The following ROR1 variants were observed in gnomAD, a reference collection of about 807,000 sequenced individuals.
ROR1 encodes inactive tyrosine-protein kinase transmembrane receptor ROR1.
ROR1 carries 19 observed loss-of-function variants against 78.8 expected under a neutral mutation model. The ratio of observed to expected loss-of-function variants is 0.24; its 90% confidence interval spans 0.17 to 0.35. The LOEUF (loss-of-function observed/expected upper bound fraction) is 0.35. Ranked by LOEUF, ROR1 falls within the 10% of genes least tolerant of loss-of-function variation. The pLI is 1.00. For missense variants in ROR1, 917 were observed against 1,177.8 expected (o/e 0.78, Z 3.24); for synonymous variants, 386 against 433.6 (o/e 0.89, Z 1.36).
intron 4 of ROR1, among the ~76,000 whole-genome samples, chr1:64,079,560 C>T (rs1004242512): frequency 2.0e-5 from 3 of 151,890 alleles, no homozygotes; most frequent in African/African-American, 7.3e-5. Flanking sequence ...CAACCTCCAC[C>T]TCCCAGGTTC....
intron 1 of ROR1, among the ~76,000 whole-genome samples, chr1:63,895,692 C>T (rs855821): frequency 0.92 from 140,067 of 152,208 alleles, 64,520 homozygotes; most frequent in East Asian, 1. Flanking sequence ...CATTTTCCCA[C>T]GAAGGAACCA....
Position 64,179,539 on chromosome 1 carries a change from T to C in ROR1, c.*684T>C, listed in dbSNP as rs1650494503. On this transcript the variant is annotated 3_prime_UTR_variant, in exon 9 of 9. Coordinates refer to ENST00000371079, the MANE Select transcript of ROR1 (RefSeq NM_005012.4). Reference sequence around the variant, plus strand: ...CTTTCCCACAGTTTCTCACAGTGTGTTTACACTGCCCTTGGAATAACACAG... The same window carrying C: ...CTTTCCCACAGTTTCTCACAGTGTGCTTACACTGCCCTTGGAATAACACAG... 1 of 152,226 alleles carries C rather than the reference T, an allele frequency of 6.6e-6. No individual in the cohort carries two copies. Among genetic ancestry groups the C allele is most frequent in the Non-Finnish European group, 1.5e-5 (1 of 68,118 alleles). The allele number at this position is 152,226 out of a possible 1,614,324, so 9.4% of individuals were successfully genotyped here. A position where few individuals can be genotyped will look rare whatever the true frequency, so the allele number is the denominator to read the frequency against.
chr1:64,103,406 T>G lies in ROR1; in HGVS notation c.483-33963T>G, dbSNP rs369481147. Reference sequence around the variant, plus strand: ...ATTTATAAAATATCCTCTAGATATGTGAGTGAAACAAAACTTCATTAAGCT... The same window carrying G: ...ATTTATAAAATATCCTCTAGATATGGGAGTGAAACAAAACTTCATTAAGCT... On this transcript the variant is annotated intron_variant, in intron 4 of 8. Coordinates refer to ENST00000371079, the MANE Select transcript of ROR1 (RefSeq NM_005012.4). Among the ~76,000 whole-genome samples the G allele has an allele frequency of 2.2e-4, 33 of 152,038 alleles. 2 individuals carry two copies. The highest frequency in any genetic ancestry group is 9.8e-4 in the Admixed American group (15 of 15,262).
At chr1:63,977,126 G>A (rs369202034) in intron 1 of ROR1, among the ~76,000 whole-genome samples, 25 of 152,182 alleles carry the variant, frequency 1.6e-4, no homozygotes, top group African/African-American at 5.8e-4. Context: ...TCACTATCAC[G>A]AGAACAGCAT....
intron 2 of ROR1, among the ~76,000 whole-genome samples, 195 bp downstream of exon 2, chr1:64,009,571 TC>T (rs150540010): frequency 1.1e-4 from 17 of 152,156 alleles, no homozygotes; most frequent in South Asian, 4.1e-4. Flanking sequence ...AGAGTTTCTT[TC>T]CCCCCCTCGT....
intron 7 of ROR1, among the ~76,000 whole-genome samples, chr1:64,158,761 A>G (rs754840761): frequency 3.3e-5 from 5 of 152,238 alleles, no homozygotes; most frequent in African/African-American, 4.8e-5. Context: ...GTCCCTCTGC[A>G]GTTTTTAAAC....
intron 1 of ROR1, among the ~76,000 whole-genome samples, chr1:63,815,687 G>A (rs1644887919): frequency 6.6e-6 from 1 of 152,032 alleles, no homozygotes; most frequent in African/African-American, 2.4e-5. Flanking sequence ...TATCTCCTGT[G>A]GTGATGATGG....
intron 7 of ROR1, among the ~76,000 whole-genome samples, chr1:64,151,725 A>C (rs1569858475): frequency 6.6e-6 from 1 of 151,608 alleles, no homozygotes; most frequent in Admixed American, 6.6e-5. Flanking sequence ...ATACAAAAAA[A>C]AAAAAAAAAT....
chr1:63,943,172 A>G (rs931336094), intron 1 of ROR1, among the ~76,000 whole-genome samples: 1 of 151,634 alleles, frequency 6.6e-6, no homozygotes, highest in South Asian at 2.1e-4. Context: ...GAATGAATGA[A>G]TAGGTACACA....
chr1:64,050,505 G>A (rs1048847974), intron 3 of ROR1, among the ~76,000 whole-genome samples, 181 bp from the exon 4 acceptor site: 6 of 147,644 alleles, frequency 4.1e-5, no homozygotes, highest in African/African-American at 1.6e-4. Context: ...GTTCTCACTG[G>A]TATTTTTTTT....
At chr1:64,037,642 A>T (rs1217270350) in intron 2 of ROR1, among the ~76,000 whole-genome samples, 1 of 152,164 alleles carries the variant, frequency 6.6e-6, no homozygotes, top group Non-Finnish European at 1.5e-5. Flanking sequence ...CACCATGATG[A>T]GGGTGTGCAG....
At chr1:63,925,325 C>G (rs1645693256) in intron 1 of ROR1, among the ~76,000 whole-genome samples, 1 of 150,980 alleles carries the variant, frequency 6.6e-6, no homozygotes, top group Non-Finnish European at 1.5e-5. Context: ...CATCCATGTC[C>G]CTACAAAGGA....
Position 64,049,986 on chromosome 1 carries a change from G to C in ROR1, c.451+8G>C. The C allele has an allele frequency of 1.4e-5, 23 of 1,613,856 alleles. No homozygotes were observed. The highest frequency in any genetic ancestry group is 1.9e-5 in the Non-Finnish European group (22 of 1,179,918). On this transcript the variant is annotated splice_region_variant and intron_variant, in intron 3 of 8. Transcript: ENST00000371079. ...TCTTGTTTGTCAAGTTTGGTAAGCAGACCCCTACTGGGGATGGACTTTGGC... is the reference window on the plus strand; with the variant it reads ...TCTTGTTTGTCAAGTTTGGTAAGCACACCCCTACTGGGGATGGACTTTGGC...
intron 1 of ROR1, among the ~76,000 whole-genome samples, chr1:63,949,836 T>C (rs1569960893): frequency 6.6e-6 from 1 of 152,148 alleles, no homozygotes; most frequent in Admixed American, 6.5e-5. Context: ...GTGCCCTAAC[T>C]TGTACAAATC....
chr1:64,015,587 G>A (rs547800654), intron 2 of ROR1, among the ~76,000 whole-genome samples: 6 of 152,294 alleles, frequency 3.9e-5, no homozygotes, highest in African/African-American at 1.4e-4. Flanking sequence ...TAGCTAGTCA[G>A]AATGGGGTGA....
At chr1:64,090,133 T>C (rs550178160) in intron 4 of ROR1, among the ~76,000 whole-genome samples, 81 of 152,258 alleles carry the variant, frequency 5.3e-4, no homozygotes, top group African/African-American at 1.9e-3. Context: ...GTGTCTTTAT[T>C]AGCAGCATGA....
chr1:63,823,833 T>A (rs1192420534), intron 1 of ROR1, among the ~76,000 whole-genome samples: 1 of 151,946 alleles, frequency 6.6e-6, no homozygotes, highest in Non-Finnish European at 1.5e-5. Context: ...CTGCAACCTC[T>A]GCCTCCCGGG....
chr1:63,862,968 A>T (rs1225857244), intron 1 of ROR1, among the ~76,000 whole-genome samples: 1 of 152,218 alleles, frequency 6.6e-6, no homozygotes, highest in Non-Finnish European at 1.5e-5. Context: ...ATAAAATTTG[A>T]TTCCTTTCAG....
At chr1:63,916,749 G>C (rs1645611969) in intron 1 of ROR1, among the ~76,000 whole-genome samples, 1 of 152,180 alleles carries the variant, frequency 6.6e-6, no homozygotes, top group African/African-American at 2.4e-5. Flanking sequence ...AGAGTAGGGG[G>C]AAGTGAGACA....
Sources: gnomAD v4.1 joint callset for allele counts (sites outside exome capture counted in the v4.1 genomes callset) on GRCh38, gnomAD v4.1.1 for gene constraint, MANE v1.5 for transcripts, NCBI Gene and HGNC (gene_info 2026-07-23, HGNC 2026-07-21) for gene names.